GUCY1A2: variants seen among roughly 807,000 people sequenced by gnomAD.
GUCY1A2 encodes the protein guanylate cyclase soluble subunit alpha-2.
A neutral mutation model predicts 63.5 loss-of-function variants in GUCY1A2; 27 were observed. That is an observed-to-expected ratio of 0.43 (90% CI 0.31 to 0.59). The LOEUF is 0.59. Among genes scored for constraint, GUCY1A2 ranks in the 20% least tolerant of loss-of-function variants. GUCY1A2 has a pLI of 0.11. For synonymous variants in GUCY1A2, 364 were observed against 343.5 expected (o/e 1.06, Z -0.66); for missense variants, 768 against 913.3 (o/e 0.84, Z 2.05).
chr11:106,913,952 T>C (rs1340165227), intron 4 of GUCY1A2, among the ~76,000 whole-genome samples: 1 of 146,732 alleles, frequency 6.8e-6, no homozygotes, highest in Non-Finnish European at 1.5e-5. Context: ...CTAATGTTTG[T>C]TGGGTCATTG....
intron 4 of GUCY1A2, among the ~76,000 whole-genome samples, chr11:106,811,127 A>G (rs1253096100): frequency 1.3e-5 from 2 of 152,082 alleles, no homozygotes; most frequent in African/African-American, 4.8e-5. Context: ...TGAAAAAATA[A>G]TAATTATAAT....
intron 6 of GUCY1A2, among the ~76,000 whole-genome samples, chr11:106,739,926 G>A (rs1863661490): frequency 6.6e-6 from 1 of 151,390 alleles, no homozygotes; most frequent in Non-Finnish European, 1.5e-5. Flanking sequence ...GAGGTCCCTA[G>A]CAGCACGACT....
intron 3 of GUCY1A2, among the ~76,000 whole-genome samples, chr11:106,959,398 T>G (rs1433699686): frequency 6.6e-6 from 1 of 152,238 alleles, no homozygotes; most frequent in Non-Finnish European, 1.5e-5. Context: ...CCCCTCCAGT[T>G]TTTGTGCATA....
intron 4 of GUCY1A2, among the ~76,000 whole-genome samples, chr11:106,918,742 T>G (rs1008334471): frequency 1.4e-5 from 2 of 146,120 alleles, no homozygotes; most frequent in Non-Finnish European, 3.1e-5. Context: ...TCATGACAAG[T>G]AAAAAAGGTT....
At chr11:106,815,157 G>A (rs1432157243) in intron 4 of GUCY1A2, among the ~76,000 whole-genome samples, 1 of 151,984 alleles carries the variant, frequency 6.6e-6, no homozygotes, top group Non-Finnish European at 1.5e-5. Flanking sequence ...AAAACATGCT[G>A]GGTGGGCTCA....
chr11:106,724,365 G>C (rs904661862), intron 6 of GUCY1A2, among the ~76,000 whole-genome samples: 9 of 152,124 alleles, frequency 5.9e-5, no homozygotes, highest in African/African-American at 2.2e-4. Context: ...TGTTGACCTG[G>C]GTTCATTTTT....
At chr11:106,701,231 AT>A (rs893445679) in intron 7 of GUCY1A2, among the ~76,000 whole-genome samples, 52 of 150,266 alleles carry the variant, frequency 3.5e-4, no homozygotes, top group African/African-American at 5.4e-4. Context: ...GCAACAGACA[AT>A]TTTTTTTTTC....
intron 3 of GUCY1A2, among the ~76,000 whole-genome samples, chr11:106,971,031 C>G (rs1275545977): frequency 6.6e-6 from 1 of 152,148 alleles, no homozygotes; most frequent in Admixed American, 6.5e-5. Context: ...TATAGCATGG[C>G]AAACAGATCG....
rs1009432430 is a variant in GUCY1A2 at position 106,687,123 on chromosome 11, A to C, written c.*426T>G. The C allele has an allele frequency of 4.3e-6, 1 of 230,954 alleles. No individual in the cohort carries two copies. Among genetic ancestry groups the C allele is most frequent in the Non-Finnish European group, 8.6e-6 (1 of 116,784 alleles). 14.3% of individuals were successfully genotyped at this position (230,954 alleles called of 1,614,324 possible). A position where few individuals can be genotyped will look rare whatever the true frequency, so the allele number is the denominator to read the frequency against. On this transcript the variant is annotated 3_prime_UTR_variant, in exon 8 of 8. Transcript: ENST00000526355. Reference sequence around the variant, plus strand: ...GTATGAAATGTCTGTTCAGAAAAAGAAACTTAGAAAATATTCCTCACCCAC... The same window carrying C: ...GTATGAAATGTCTGTTCAGAAAAAGCAACTTAGAAAATATTCCTCACCCAC...
intron 4 of GUCY1A2, among the ~76,000 whole-genome samples, chr11:106,911,753 T>C (rs934469893): frequency 3.3e-5 from 5 of 152,040 alleles, no homozygotes; most frequent in African/African-American, 1.2e-4. Flanking sequence ...CTTTTTAAAG[T>C]CCTTTTTAAA....
intron 4 of GUCY1A2, among the ~76,000 whole-genome samples, chr11:106,861,200 T>C (rs1859506945): frequency 6.6e-6 from 1 of 151,924 alleles, no homozygotes; most frequent in Non-Finnish European, 1.5e-5. Context: ...TCATAACCCC[T>C]TGAAATATAA....
chr11:106,953,523 T>C (rs979089549), intron 3 of GUCY1A2, among the ~76,000 whole-genome samples: 22 of 152,238 alleles, frequency 1.4e-4, no homozygotes, highest in African/African-American at 5.1e-4. Flanking sequence ...ATCAGGATGA[T>C]GCTGGCTTCA....
chr11:106,790,742 G>A (rs1290819931), intron 5 of GUCY1A2, among the ~76,000 whole-genome samples: 1 of 152,052 alleles, frequency 6.6e-6, no homozygotes, highest in East Asian at 1.9e-4. Context: ...AATACAGTAG[G>A]TTCCCCTTGT....
chr11:106,969,036 A>T (rs1247978185), intron 3 of GUCY1A2, among the ~76,000 whole-genome samples: 1 of 152,198 alleles, frequency 6.6e-6, no homozygotes, highest in Non-Finnish European at 1.5e-5. Context: ...ACATATGGAA[A>T]TCTTTAACTG....
chr11:106,920,706 T>C (rs572419878), intron 4 of GUCY1A2, among the ~76,000 whole-genome samples: 3 of 152,268 alleles, frequency 2.0e-5, no homozygotes, highest in Middle Eastern at 3.4e-3. Flanking sequence ...CTGCTTCTTA[T>C]TACCATTTTG....
rs776826015 is a variant in GUCY1A2, at chr11:106,700,524, G to T, written c.1991+7988C>A. Among the ~76,000 whole-genome samples the T allele has an allele frequency of 2.8e-4, 43 of 152,078 alleles. 1 individual carries two copies. The highest frequency in any genetic ancestry group is 4.7e-4 in the Non-Finnish European group (32 of 68,014). ...ATGACTTTTATTGGCACATTTAAAA[G>T]GGTAATATTAATGTTGCTGTTTGTA... is the stretch of plus-strand genomic sequence containing the variant. On this transcript the variant is annotated intron_variant, in intron 7 of 7. Coordinates refer to ENST00000526355, the MANE Select transcript of GUCY1A2 (RefSeq NM_000855.3).
rs553050451 is a variant in GUCY1A2, at chr11:106,805,459, T to C, written c.1692+4534A>G. 3.3e-5 allele frequency among the ~76,000 whole-genome samples: 5 copies of C among 152,240 alleles called. No individual in the cohort carries two copies. In the East Asian group the frequency reaches 9.7e-4, roughly 29 times the overall value. On this transcript the variant is annotated intron_variant, in intron 5 of 7. Transcript: ENST00000526355. ...CAGCGTTTCACCAGGTTGGCCAGGC[T>C]GGTCTCGAACTCCTGACCTCAGGTG...
intron 4 of GUCY1A2, among the ~76,000 whole-genome samples, chr11:106,895,113 T>TA (rs138285383): frequency 0.041 from 6,187 of 152,140 alleles, 675 homozygotes; most frequent in East Asian, 0.3. Flanking sequence ...AACAAAGAAA[T>TA]ACTCTATGCC....
At chr11:106,945,540 T>G (rs1157832428) in intron 3 of GUCY1A2, among the ~76,000 whole-genome samples, 1 of 152,236 alleles carries the variant, frequency 6.6e-6, no homozygotes. Context: ...TGCTTTCTGA[T>G]GTATGTGTAC....
Sources: allele counts gnomAD v4.1 joint callset (sites outside exome capture counted in the v4.1 genomes callset), GRCh38; gene constraint gnomAD v4.1.1; transcripts MANE v1.5; gene names NCBI Gene and HGNC (gene_info 2026-07-23, HGNC 2026-07-21).